Variants in BMPR1B observed in about 807,000 individuals in gnomAD.
The protein encoded by BMPR1B is bone morphogenetic protein receptor type 1B.
BMPR1B carries 12 observed loss-of-function variants against 59.1 expected under a neutral mutation model. That is an observed-to-expected ratio of 0.20 (90% confidence interval 0.13 to 0.33). The LOEUF is 0.33. Among genes scored for constraint, BMPR1B ranks in the 10% least tolerant of loss-of-function variants. The probability of loss-of-function intolerance (pLI) is 1.00; values close to 1 mark genes in which losing one functional copy is unlikely to be tolerated. For missense variants in BMPR1B, 550 were observed against 610.9 expected (o/e 0.90, Z 1.05); for synonymous variants, 237 against 207.3 (o/e 1.14, Z -1.23).
intron 1 of BMPR1B, 133 bp from the exon 2 acceptor site, chr4:94,875,698 G>A (rs1277841961): frequency 2.6e-5 from 4 of 152,554 alleles, no homozygotes; most frequent in African/African-American, 4.8e-5. Flanking sequence ...GAAAAAAACG[G>A]AAGAACTGTA....
At chr4:95,069,700 G>A (rs901257234) in intron 3 of BMPR1B, among the ~76,000 whole-genome samples, 15 of 152,272 alleles carry the variant, frequency 9.9e-5, no homozygotes, top group African/African-American at 3.4e-4. Flanking sequence ...ATGGAATCGT[G>A]TCTGTTTCTT....
At chr4:94,850,276 GA>G (rs35845073) in intron 1 of BMPR1B, among the ~76,000 whole-genome samples, 7,067 of 149,264 alleles carry the variant, frequency 0.047, 210 homozygotes, top group Non-Finnish European at 0.069. Flanking sequence ...ATTTTTAAAT[GA>G]AAAAAAAAAA....
rs60003954 is a variant in BMPR1B, at chr4:94,985,509, CTGTGTGTGTGTGTGTG to C, written c.-112-10497_-112-10482del. On this transcript the variant is annotated intron_variant, in intron 2 of 12. Transcript: ENST00000515059. ...AACACCAGAGAAACCAAAATAAGAG[CTGTGTGTGTGTGTGTG>C]TGTGTGTGTGTGTGTGTGTGTGTGT... is the stretch of plus-strand genomic sequence containing the variant. Among the ~76,000 whole-genome samples the C allele has an allele frequency of 3.1e-3, 430 of 138,766 alleles. 3 individuals are homozygous for C. The highest frequency in any genetic ancestry group is 8.0e-3 in the East Asian group (39 of 4,848). The allele number at this position is 138,766 out of a possible 152,430, so 91.0% of individuals were successfully genotyped here. A position where few individuals can be genotyped will look rare whatever the true frequency, so the allele number is the denominator to read the frequency against.
At chr4:94,970,685 G>T (rs1730759050) in intron 2 of BMPR1B, among the ~76,000 whole-genome samples, 1 of 151,776 alleles carries the variant, frequency 6.6e-6, no homozygotes, top group Admixed American at 6.6e-5. Flanking sequence ...ATATTTATGG[G>T]GTATATGTGA....
intron 3 of BMPR1B, among the ~76,000 whole-genome samples, chr4:95,009,556 A>G (rs1723080732): frequency 6.6e-6 from 1 of 152,204 alleles, no homozygotes; most frequent in Admixed American, 6.6e-5. Flanking sequence ...CATTAAAATG[A>G]TGTAGAGTTT....
At chr4:94,911,227 A>C (rs1249914323) in intron 2 of BMPR1B, among the ~76,000 whole-genome samples, 1 of 152,178 alleles carries the variant, frequency 6.6e-6, no homozygotes, top group East Asian at 1.9e-4. Context: ...ACTCAATCTT[A>C]GTGAATCTGG....
chr4:95,114,842 T>A lies in BMPR1B; in HGVS notation c.246+20T>A, dbSNP rs753752689. 1.0e-5 allele frequency: 16 copies of A among 1,566,312 alleles called. No individual in the cohort carries two copies. The highest frequency in any genetic ancestry group is 1.3e-5 in the Non-Finnish European group (15 of 1,136,672). On this transcript the variant is annotated intron_variant, in intron 5 of 12. Transcript: ENST00000515059. ...TGTCGGGTAAGGTAGATAACTTGAT[T>A]CTGTAACCTTTCATTGGCTAGATTT... is the stretch of plus-strand genomic sequence containing the variant.
At chr4:94,941,071 C>G (rs1264721600) in intron 2 of BMPR1B, among the ~76,000 whole-genome samples, 4 of 152,166 alleles carry the variant, frequency 2.6e-5, no homozygotes, top group African/African-American at 9.7e-5. Context: ...TAGTTTCTTT[C>G]TCCATGTGCC....
At chr4:94,883,566 G>T (rs1727061047) in intron 2 of BMPR1B, among the ~76,000 whole-genome samples, 2 of 151,440 alleles carry the variant, frequency 1.3e-5, no homozygotes, top group African/African-American at 4.8e-5. Context: ...AACTTAATTT[G>T]TTTTTTATCT....
At chr4:94,907,870 A>T (rs1018117937) in intron 2 of BMPR1B, among the ~76,000 whole-genome samples, 4 of 151,484 alleles carry the variant, frequency 2.6e-5, no homozygotes, top group African/African-American at 9.7e-5. Context: ...TACATGTCTG[A>T]GGTCTCTATA....
intron 2 of BMPR1B, among the ~76,000 whole-genome samples, chr4:94,931,149 T>TA (rs1336629263): frequency 1.3e-5 from 2 of 152,082 alleles, no homozygotes; most frequent in East Asian, 1.9e-4. Flanking sequence ...CAGCTAGCTA[T>TA]AAAAAATACA....
intron 3 of BMPR1B, among the ~76,000 whole-genome samples, chr4:95,013,914 T>C (rs1308718724): frequency 6.6e-6 from 1 of 152,196 alleles, no homozygotes; most frequent in Non-Finnish European, 1.5e-5. Context: ...CACTTTGTCA[T>C]CTTAAAATAA....
intron 3 of BMPR1B, among the ~76,000 whole-genome samples, chr4:95,051,126 A>G (rs1288525707): frequency 2.0e-5 from 3 of 152,166 alleles, no homozygotes; most frequent in Non-Finnish European, 1.5e-5. Flanking sequence ...AAGGGTATTC[A>G]CTTCATTATT....
At chr4:94,851,801 C>T (rs13149762) in intron 1 of BMPR1B, among the ~76,000 whole-genome samples, 92,453 of 151,896 alleles carry the variant, frequency 0.61, 29,002 homozygotes, top group African/African-American at 0.76. Context: ...AAACACTATG[C>T]AAATAAAATA....
chr4:95,084,305 A>G (rs1464937313), intron 3 of BMPR1B, among the ~76,000 whole-genome samples: 1 of 150,510 alleles, frequency 6.6e-6, no homozygotes, highest in Non-Finnish European at 1.5e-5. Context: ...ATCTTTATAA[A>G]TTTATATTTA....
intron 1 of BMPR1B, among the ~76,000 whole-genome samples, chr4:94,843,927 CTT>C (rs905917213): frequency 3.3e-5 from 5 of 152,180 alleles, no homozygotes; most frequent in Middle Eastern, 3.4e-3. Context: ...AAACCAGAAA[CTT>C]CTAAGACATA....
At chr4:95,047,428 G>T (rs1726134877) in intron 3 of BMPR1B, among the ~76,000 whole-genome samples, 2 of 152,234 alleles carry the variant, frequency 1.3e-5, no homozygotes, top group Middle Eastern at 3.4e-3. Context: ...AATGGAGTTG[G>T]CCTGATGTAT....
At chr4:94,978,053 T>C (rs541696182) in intron 2 of BMPR1B, among the ~76,000 whole-genome samples, 1 of 152,326 alleles carries the variant, frequency 6.6e-6, no homozygotes, top group Admixed American at 6.5e-5. Context: ...CACACAGCCA[T>C]ATTTCTTGAG....
At chr4:95,124,647 G>T (rs554734660) in intron 7 of BMPR1B, among the ~76,000 whole-genome samples, 76 of 152,012 alleles carry the variant, frequency 5.0e-4, no homozygotes, top group Admixed American at 1.6e-3. Context: ...CCTTAGAAAA[G>T]ATTTTAAGGA....
Sources: gnomAD v4.1 joint callset for allele counts (sites outside exome capture counted in the v4.1 genomes callset) on GRCh38, gnomAD v4.1.1 for gene constraint, MANE v1.5 for transcripts, NCBI Gene and HGNC (gene_info 2026-07-23, HGNC 2026-07-21) for gene names.